TLN2: variants seen among roughly 807,000 people sequenced by gnomAD.
The protein encoded by TLN2 is talin-2.
In TLN2, 118 loss-of-function variants were observed where a neutral mutation model predicts 294.7. The ratio of observed to expected loss-of-function variants is 0.40; its 90% confidence interval spans 0.34 to 0.47. The LOEUF (loss-of-function observed/expected upper bound fraction) is 0.47, where lower values mean the gene tolerates loss of function less well. TLN2 is among the 20% of genes least tolerant of loss of function. The pLI is 0.84. For synonymous variants in TLN2, 1,431 were observed against 1,304.5 expected (o/e 1.10, Z -2.09); for missense variants, 3,083 against 3,282.2 (o/e 0.94, Z 1.48).
chr15:62,659,198 A>C (rs1279066921), intron 9 of TLN2, among the ~76,000 whole-genome samples: 1 of 152,180 alleles, frequency 6.6e-6, no homozygotes, highest in Non-Finnish European at 1.5e-5. Flanking sequence ...AATTGAGAAC[A>C]TAGTATTTTA....
At chr15:62,550,027 G>T (rs1596091090) in intron 1 of TLN2, among the ~76,000 whole-genome samples, 1 of 152,190 alleles carries the variant, frequency 6.6e-6, no homozygotes, top group Non-Finnish European at 1.5e-5. Context: ...AGGAGTACCA[G>T]TCTGGGGTAA....
intron 39 of TLN2, 92 bp downstream of exon 39, chr15:62,762,545 T>A (rs1182985133): frequency 1.1e-5 from 15 of 1,334,060 alleles, no homozygotes; most frequent in Non-Finnish European, 1.5e-5. Context: ...AATAGTGATA[T>A]TGTTGATCAT....
intron 12 of TLN2, among the ~76,000 whole-genome samples, chr15:62,689,176 G>A (rs1362385463): frequency 1.3e-5 from 2 of 149,278 alleles, no homozygotes; most frequent in Admixed American, 6.7e-5. Flanking sequence ...AGTGTTCTTA[G>A]TGGTTATTTT....
At chr15:62,640,013 T>C in intron 3 of TLN2, 1 of 386,070 alleles carries the variant, frequency 2.6e-6, no homozygotes, top group South Asian at 1.9e-5. Context: ...CCTGGCCTGC[T>C]CAGTGCCTGG....
intron 57 of TLN2, chr15:62,838,101 C>A (rs2070000330): frequency 6.6e-6 from 1 of 152,198 alleles, no homozygotes; most frequent in African/African-American, 2.4e-5. Context: ...ATGAAAAGCT[C>A]TTCTTTACCT....
At chr15:62,588,913 T>C (rs1319814427) in intron 1 of TLN2, among the ~76,000 whole-genome samples, 1 of 151,458 alleles carries the variant, frequency 6.6e-6, no homozygotes. Flanking sequence ...GCTTTTATTT[T>C]GAGTTTATTC....
chr15:62,594,157 T>C lies in TLN2; in HGVS notation c.-162+4395T>C, dbSNP rs376183726. 5.9e-5 allele frequency among the ~76,000 whole-genome samples: 9 copies of C among 152,276 alleles called. No homozygotes were observed. In the East Asian group the frequency reaches 1.4e-3, roughly 23 times the overall value. The stretch of plus-strand genomic sequence containing the variant: ...AGACACATAGACCAGTGGAACAGAA[T>C]AGAGAGCCCAGAAATAAATCCACAC... On this transcript the variant is annotated intron_variant, in intron 2 of 58. Transcript: ENST00000636159.
intron 42 of TLN2, among the ~76,000 whole-genome samples, chr15:62,773,216 C>T (rs2063466850): frequency 7.3e-6 from 1 of 137,426 alleles, no homozygotes. Flanking sequence ...CTCCCAAGTA[C>T]CTGGGATTAC....
intron 1 of TLN2, among the ~76,000 whole-genome samples, chr15:62,460,623 C>G (rs951471913): frequency 2.0e-5 from 3 of 152,176 alleles, no homozygotes; most frequent in Non-Finnish European, 4.4e-5. Flanking sequence ...AAGGGAAGCT[C>G]TATGTCAGGT....
intron 1 of TLN2, among the ~76,000 whole-genome samples, chr15:62,439,413 A>C (rs568793504): frequency 6.6e-6 from 1 of 152,182 alleles, no homozygotes; most frequent in African/African-American, 2.4e-5. Flanking sequence ...CCTGGGTTCA[A>C]GTGATTATCC....
chr15:62,783,725 G>C (rs374250240), intron 44 of TLN2, 46 bp from the exon 45 acceptor site: 1 of 2,930 alleles, frequency 3.4e-4, no homozygotes. Context: ...TTCTCTCTGT[G>C]TGTGTGTGTG....
chr15:62,760,078 A>C (rs182263466), intron 37 of TLN2, among the ~76,000 whole-genome samples: 45 of 152,330 alleles, frequency 3.0e-4, no homozygotes, highest in Admixed American at 2.9e-3. Flanking sequence ...ATGAGGCTTT[A>C]TATGTGAGCA....
chr15:62,760,389 A>C (rs1325167023), intron 37 of TLN2, among the ~76,000 whole-genome samples: 3 of 151,766 alleles, frequency 2.0e-5, no homozygotes, highest in Non-Finnish European at 2.9e-5. Flanking sequence ...AAAAACAGAA[A>C]TGCTCCCATC....
chr15:62,694,710 C>T (rs1046757132), intron 14 of TLN2, among the ~76,000 whole-genome samples: 3 of 152,176 alleles, frequency 2.0e-5, no homozygotes, highest in Non-Finnish European at 2.9e-5. Flanking sequence ...GATCATTGAG[C>T]CGTACCGTCA....
intron 9 of TLN2, among the ~76,000 whole-genome samples, chr15:62,660,251 G>A (rs564596328): frequency 3.3e-5 from 5 of 152,218 alleles, no homozygotes; most frequent in East Asian, 1.9e-4. Flanking sequence ...GATTCGCTTC[G>A]AACTTTCTTC....
chr15:62,688,733 G>T (rs2057510211), intron 12 of TLN2, among the ~76,000 whole-genome samples: 1 of 151,982 alleles, frequency 6.6e-6, no homozygotes, highest in Non-Finnish European at 1.5e-5. Context: ...CAGAGAAGTT[G>T]TTTTTTCCTT....
intron 45 of TLN2, among the ~76,000 whole-genome samples, chr15:62,785,765 T>G (rs77757403): frequency 0.033 from 5,041 of 152,258 alleles, 101 homozygotes; most frequent in African/African-American, 0.063. Flanking sequence ...TTAACTACTG[T>G]CTCCCTGAAC....
intron 55 of TLN2, chr15:62,835,397 A>G (rs971397730): frequency 3.1e-6 from 1 of 318,010 alleles, no homozygotes; most frequent in Non-Finnish European, 5.9e-6. Context: ...CACATATGAA[A>G]TGGAGAAAGC....
At chr15:62,598,017 G>A (rs2046677156) in intron 2 of TLN2, among the ~76,000 whole-genome samples, 1 of 152,158 alleles carries the variant, frequency 6.6e-6, no homozygotes, top group African/African-American at 2.4e-5. Context: ...CTGTATTGGA[G>A]AATCACCCCA....
Sources: allele counts gnomAD v4.1 joint callset (sites outside exome capture counted in the v4.1 genomes callset), GRCh38; gene constraint gnomAD v4.1.1; transcripts MANE v1.5; gene names NCBI Gene and HGNC (gene_info 2026-07-23, HGNC 2026-07-21).